CALN1: variants seen among roughly 807,000 people sequenced by gnomAD.
CALN1 encodes the protein calcium-binding protein 8.
A neutral mutation model predicts 30.6 loss-of-function variants in CALN1; 17 were observed. The ratio of observed to expected loss-of-function variants is 0.56; its 90% CI spans 0.38 to 0.83. CALN1 has a LOEUF of 0.83. Ranked by LOEUF, CALN1 falls within the 40% of genes least tolerant of loss-of-function variation. CALN1 has a pLI of 0.00. For synonymous variants in CALN1, 156 were observed against 131.4 expected (o/e 1.19, Z -1.28); for missense variants, 291 against 354.9 (o/e 0.82, Z 1.45).
At chr7:72,430,888 G>A (rs1346619039) in intron 1 of CALN1, among the ~76,000 whole-genome samples, 5 of 151,930 alleles carry the variant, frequency 3.3e-5, no homozygotes, top group African/African-American at 9.7e-5. Flanking sequence ...TTTTTGTCAA[G>A]GAGAATTATC....
chr7:72,265,586 T>C (rs1796546431), intron 3 of CALN1, among the ~76,000 whole-genome samples: 1 of 152,070 alleles, frequency 6.6e-6, no homozygotes, highest in African/African-American at 2.4e-5. Context: ...ACTAGATCTG[T>C]TACAATGCAT....
At chr7:72,208,518 TACA>T (rs763300656) in intron 3 of CALN1, among the ~76,000 whole-genome samples, 1 of 152,240 alleles carries the variant, frequency 6.6e-6, no homozygotes, top group Non-Finnish European at 1.5e-5. Flanking sequence ...ATATGCCTGC[TACA>T]ACAACAGTTT....
At chr7:71,919,792 A>T (rs1483844481) in intron 5 of CALN1, among the ~76,000 whole-genome samples, 1 of 152,224 alleles carries the variant, frequency 6.6e-6, no homozygotes. Flanking sequence ...ATGATGCTAC[A>T]AGAATCTGGT....
At chr7:71,923,224 T>C (rs1045209407) in intron 5 of CALN1, among the ~76,000 whole-genome samples, 33 of 152,166 alleles carry the variant, frequency 2.2e-4, no homozygotes, top group African/African-American at 7.7e-4. Flanking sequence ...TTATGCTCAT[T>C]TGTTCTTTCT....
chr7:72,134,326 G>C (rs1050249847), intron 3 of CALN1, among the ~76,000 whole-genome samples: 1 of 152,150 alleles, frequency 6.6e-6, no homozygotes, highest in Non-Finnish European at 1.5e-5. Flanking sequence ...TTTTGTTATA[G>C]CAGCTCCAAA....
At chr7:72,068,634 C>G (rs1487480272) in intron 4 of CALN1, among the ~76,000 whole-genome samples, 1 of 152,142 alleles carries the variant, frequency 6.6e-6, no homozygotes, top group Non-Finnish European at 1.5e-5. Context: ...ATAACAGACG[C>G]CCGCCACCAT....
the CALN1 span, among the ~76,000 whole-genome samples, chr7:72,487,685 GGAAA>G: frequency 3.8e-4 from 38 of 99,066 alleles, no homozygotes; most frequent in South Asian, 2.5e-3. Context: ...AAGAAAGAAA[GGAAA>G]GAAAGAAAGA....
At chr7:71,866,242 C>T (rs1423797455) in intron 5 of CALN1, among the ~76,000 whole-genome samples, 1 of 151,822 alleles carries the variant, frequency 6.6e-6, no homozygotes, top group East Asian at 1.9e-4. Flanking sequence ...CTCCTGACCT[C>T]GTGATCCACC....
chr7:71,823,954 T>C (rs927055255), intron 5 of CALN1, among the ~76,000 whole-genome samples: 1 of 152,200 alleles, frequency 6.6e-6, no homozygotes, highest in African/African-American at 2.4e-5. Flanking sequence ...CTCACTAGCA[T>C]GAGAACAGTA....
At chr7:72,157,426 C>T (rs535795568) in intron 3 of CALN1, among the ~76,000 whole-genome samples, 1 of 152,108 alleles carries the variant, frequency 6.6e-6, no homozygotes, top group Non-Finnish European at 1.5e-5. Flanking sequence ...ACCTGTGCTA[C>T]GGGAGGACTC....
chr7:72,321,233 G>C (rs1800857202), intron 2 of CALN1, among the ~76,000 whole-genome samples: 1 of 152,276 alleles, frequency 6.6e-6, no homozygotes, highest in South Asian at 2.1e-4. Context: ...TCTCAAGGCA[G>C]CTCACAAAGA....
At chr7:72,351,933 T>C (rs1308027417) in intron 2 of CALN1, among the ~76,000 whole-genome samples, 1 of 152,148 alleles carries the variant, frequency 6.6e-6, no homozygotes, top group East Asian at 1.9e-4. Context: ...GCCTTTTGAA[T>C]GTTCATAAAA....
chr7:72,223,262 C>T (rs919240211), intron 3 of CALN1, among the ~76,000 whole-genome samples: 33 of 152,224 alleles, frequency 2.2e-4, no homozygotes, highest in Non-Finnish European at 4.4e-5. Context: ...GAGCTGGGCA[C>T]ATGGGAGAAA....
chr7:72,062,725 G>C (rs928511624), intron 4 of CALN1, among the ~76,000 whole-genome samples: 1 of 151,926 alleles, frequency 6.6e-6, no homozygotes, highest in Non-Finnish European at 1.5e-5. Flanking sequence ...CCTTTAACTA[G>C]AATGACAAAG....
intron 5 of CALN1, among the ~76,000 whole-genome samples, chr7:71,938,448 T>C (rs970435016): frequency 5.9e-5 from 9 of 151,990 alleles, no homozygotes; most frequent in Non-Finnish European, 1.3e-4. Context: ...ATTATAGCCA[T>C]AATGTGTGTC....
rs926528715 is a variant in CALN1, at chr7:72,088,749, G to GGAAGGAAGA, written c.388+17393_388+17401dup. Among the ~76,000 whole-genome samples the GGAAGGAAGA allele has an allele frequency of 7.1e-3, 1,029 of 145,872 alleles. 30 individuals are homozygous for GGAAGGAAGA. Among genetic ancestry groups the GGAAGGAAGA allele is most frequent in the Admixed American group, 0.05 (718 of 14,280 alleles). Reference sequence around the variant, plus strand: ...AAGAAAGAAGAAGGAAGGAAGGGAAGGAAGGAAGAGAAGGAAGAGAAGTAA... The same window carrying GGAAGGAAGA: ...AAGAAAGAAGAAGGAAGGAAGGGAAGGAAGGAAGAGAAGGAAGAGAAGGAAGAGAAGTAA... On this transcript the variant is annotated intron_variant, in intron 4 of 6. Transcript: ENST00000395275.
At chr7:72,288,426 C>T (rs1798247997) in intron 2 of CALN1, among the ~76,000 whole-genome samples, 1 of 152,186 alleles carries the variant, frequency 6.6e-6, no homozygotes, top group African/African-American at 2.4e-5. Flanking sequence ...CACACATCAT[C>T]ACTTCTGCCA....
upstream of CALN1, among the ~76,000 whole-genome samples, chr7:72,451,393 G>C (rs1415566363): frequency 7.1e-6 from 1 of 140,928 alleles, no homozygotes; most frequent in Non-Finnish European, 1.5e-5. Flanking sequence ...GGAGGAGGAG[G>C]AGTGGGGGAA....
the CALN1 span, among the ~76,000 whole-genome samples, chr7:72,464,667 T>G: frequency 7.9e-5 from 12 of 152,304 alleles, no homozygotes; most frequent in Admixed American, 7.2e-4. Context: ...AATTAACAGT[T>G]GCCCCAAGTA....
Sources: allele counts gnomAD v4.1 joint callset (sites outside exome capture counted in the v4.1 genomes callset), GRCh38; gene constraint gnomAD v4.1.1; transcripts MANE v1.5; gene names NCBI Gene and HGNC (gene_info 2026-07-23, HGNC 2026-07-21).